SYNE2: variants seen among roughly 807,000 people sequenced by gnomAD.
SYNE2 encodes the protein nesprin-2.
Under a neutral mutation model 856.3 loss-of-function variants are expected in SYNE2, and 431 were observed. The observed-to-expected ratio is 0.50, with a 90% CI of 0.47 to 0.55. The LOEUF (loss-of-function observed/expected upper bound fraction) is 0.55, where lower values mean the gene tolerates loss of function less well. Ranked by LOEUF, SYNE2 falls within the 20% of genes least tolerant of loss-of-function variation. SYNE2 has a pLI of 0.00. For synonymous variants in SYNE2, 2,923 were observed against 2,872.3 expected, an observed-to-expected ratio of 1.02 and a Z score of -0.56; for missense variants, 8,129 against 8,023.2, an observed-to-expected ratio of 1.01 and a Z score of -0.50.
chr14:64,012,850 A>C (rs1278434962), intron 32 of SYNE2, among the ~76,000 whole-genome samples: 1 of 152,280 alleles, frequency 6.6e-6, no homozygotes, highest in African/African-American at 2.4e-5. Flanking sequence ...CATAGGTACT[A>C]TCTTCACAAA....
At chr14:64,223,460 AAGAC>A (rs1204922723) in intron 113 of SYNE2, 80 bp downstream of exon 113, 6 of 1,540,176 alleles carry the variant, frequency 3.9e-6, no homozygotes, top group Non-Finnish European at 5.4e-6. Context: ...GCAATGCTCT[AAGAC>A]AGAGGCCAGA....
rs138073871 is a variant in SYNE2 at position 63,898,482 on chromosome 14, G to A, written c.-51-10616G>A. 7.9e-5 allele frequency among the ~76,000 whole-genome samples: 12 copies of A among 152,160 alleles called. No homozygotes were observed. The East Asian group carries it at 2.3e-3, about 29-fold the overall frequency. ...TGCTGTGTTGCCATCTTGGCCCACTGCAGTCTCTGCCTCCCTGGCTCAAGC... is the reference window on the plus strand; with the variant it reads ...TGCTGTGTTGCCATCTTGGCCCACTACAGTCTCTGCCTCCCTGGCTCAAGC... On this transcript the variant is annotated intron_variant, in intron 1 of 115. Coordinates refer to ENST00000555002, the MANE Select transcript of SYNE2 (RefSeq NM_182914.3).
Position 64,100,526 on chromosome 14 carries a change from AAAAAAATATATAT to A in SYNE2, c.12382-1404_12382-1392del, listed in dbSNP as rs1184529900. 1.3e-3 allele frequency among the ~76,000 whole-genome samples: 97 copies of A among 76,296 alleles called. 2 individuals carry two copies. Among genetic ancestry groups the A allele is most frequent in the South Asian group, 0.011 (22 of 2,064 alleles). 50.1% of individuals were successfully genotyped at this position (76,296 alleles called of 152,430 possible). A position where few individuals can be genotyped will look rare whatever the true frequency, so the allele number is the denominator to read the frequency against. On this transcript the variant is annotated intron_variant, in intron 63 of 115. Transcript: ENST00000555002. ...AGCAAAACTGTCTCAAAAAAAAAAA[AAAAAAATATATAT>A]ATATATATATATATATATATATATA...
intron 51 of SYNE2, 31 bp downstream of exon 51, chr14:64,065,681 G>T: frequency 1.2e-6 from 2 of 1,609,956 alleles, no homozygotes. Context: ...AAACCATGTA[G>T]TTTCTAACAT....
At chr14:64,108,993 AGCCTCCCG>A (rs2097788516) in intron 65 of SYNE2, among the ~76,000 whole-genome samples, 1 of 151,934 alleles carries the variant, frequency 6.6e-6, no homozygotes, top group African/African-American at 2.4e-5. Context: ...CTCCCACCTT[AGCCTCCCG>A]GATGGCTAGG....
At chr14:63,930,079 T>G (rs1332383570) in intron 2 of SYNE2, among the ~76,000 whole-genome samples, 1 of 151,916 alleles carries the variant, frequency 6.6e-6, no homozygotes, top group Non-Finnish European at 1.5e-5. Flanking sequence ...GAGGCCAGGA[T>G]TTCGAGACCA....
chr14:64,037,588 C>G (rs891368823), intron 45 of SYNE2, among the ~76,000 whole-genome samples: 2 of 151,890 alleles, frequency 1.3e-5, no homozygotes, highest in Admixed American at 6.6e-5. Flanking sequence ...ACCTTTCCCC[C>G]CTTTCTATTC....
chr14:64,167,603 C>T lies in SYNE2; in HGVS notation c.16869C>T (p.Ser5623=), dbSNP rs754342965. Residue 5623 remains serine (S), a synonymous_variant, in exon 92 of 116, where the codon AGC becomes AGT. Transcript: ENST00000555002. ...CACTCAAAGTGGATGTGGCTAACAGCCTTCCTGAGCTCCTGGAGCAGCAGA... is the reference window on the plus strand; with the variant it reads ...CACTCAAAGTGGATGTGGCTAACAGTCTTCCTGAGCTCCTGGAGCAGCAGA... ...EEALKVDVAN[S]LPELLEQQKT... The T allele has an allele frequency of 1.9e-6, 3 of 1,614,198 alleles. No homozygotes were observed. Among genetic ancestry groups the T allele is most frequent in the Non-Finnish European group, 2.5e-6 (3 of 1,180,030 alleles).
intron 30 of SYNE2, among the ~76,000 whole-genome samples, chr14:64,004,541 G>C (rs2153508005): frequency 6.6e-6 from 1 of 152,090 alleles, no homozygotes; most frequent in East Asian, 1.9e-4. Flanking sequence ...TGTTGACCAG[G>C]CTGGTCTTGA....
intron 96 of SYNE2, among the ~76,000 whole-genome samples, chr14:64,178,122 TTCTTCC>T (rs2098442918): frequency 6.6e-6 from 1 of 152,220 alleles, no homozygotes; most frequent in South Asian, 2.1e-4. Flanking sequence ...TTTAATTTTT[TTCTTCC>T]TTCAGTGACT....
intron 23 of SYNE2, among the ~76,000 whole-genome samples, chr14:63,996,148 A>G (rs983447556): frequency 5.9e-5 from 9 of 152,170 alleles, no homozygotes; most frequent in Non-Finnish European, 4.4e-5. Flanking sequence ...TATTCTGCCT[A>G]CTGGTAATGA....
intron 7 of SYNE2, among the ~76,000 whole-genome samples, chr14:63,950,549 C>A (rs1480352037): frequency 6.6e-6 from 1 of 151,976 alleles, no homozygotes; most frequent in Non-Finnish European, 1.5e-5. Context: ...GAGCGAAACT[C>A]TTGTCACACA....
At chr14:63,953,063 T>A (rs2096188588) in intron 7 of SYNE2, among the ~76,000 whole-genome samples, 1 of 152,136 alleles carries the variant, frequency 6.6e-6, no homozygotes, top group African/African-American at 2.4e-5. Flanking sequence ...CAGGCATTGT[T>A]TGGGGAATGA....
chr14:64,132,445 G>A lies in SYNE2; in HGVS notation c.14514+7G>A, dbSNP rs371532130. The stretch of plus-strand genomic sequence containing the variant: ...GCTGCAGAGTTTGTTGCAGGTATTT[G>A]GGTTATGTAAACGTTGTACTGAAGC... On this transcript the variant is annotated splice_region_variant and intron_variant, in intron 77 of 115. Coordinates refer to ENST00000555002, the MANE Select transcript of SYNE2 (RefSeq NM_182914.3). 4 of 1,614,082 alleles carry A rather than the reference G, an allele frequency of 2.5e-6. No individual in the cohort carries two copies. The African/African-American group carries it at 5.3e-5, about 22-fold the overall frequency.
chr14:63,813,112 T>G lies in SYNE2; in HGVS notation c.-304-39389T>G, dbSNP rs146662083. Among the ~76,000 whole-genome samples, 196 of 152,284 alleles carry G rather than the reference T, an allele frequency of 1.3e-3. 3 individuals are homozygous for G. Among genetic ancestry groups the G allele is most frequent in the Non-Finnish European group, 1.9e-3 (126 of 68,018 alleles). ...GCTTGGCTTCCTAGCCTTCAGAGGT[T>G]TTTAAAAGTGTAAAATTTTTAGAGT... On this transcript the variant is annotated intron_variant, in intron 1 of 23. Transcript: ENST00000674003.
chr14:64,119,181 C>T (rs942975997), intron 66 of SYNE2, among the ~76,000 whole-genome samples: 1 of 152,144 alleles, frequency 6.6e-6, no homozygotes, highest in Non-Finnish European at 1.5e-5. Context: ...TGTAAGGCGA[C>T]TATAGAGTCA....
intron 6 of SYNE2, among the ~76,000 whole-genome samples, chr14:63,949,001 A>G (rs891654305): frequency 1.3e-5 from 2 of 151,626 alleles, no homozygotes; most frequent in East Asian, 3.9e-4. Context: ...CGTGAAAGGA[A>G]TGTTGGTAGT....
chr14:63,965,867 C>G (rs1462629308), intron 10 of SYNE2, among the ~76,000 whole-genome samples: 3 of 152,170 alleles, frequency 2.0e-5, no homozygotes, highest in Non-Finnish European at 4.4e-5. Flanking sequence ...AGATTTTTTT[C>G]TCGACAAAGT....
chr14:64,210,521 C>T (rs1468953866), intron 103 of SYNE2, among the ~76,000 whole-genome samples: 22 of 152,212 alleles, frequency 1.4e-4, no homozygotes, highest in Admixed American at 1.3e-3. Context: ...CCCCAGCTCT[C>T]GCACTGAGGA....
Sources: allele counts gnomAD v4.1 joint callset (sites outside exome capture counted in the v4.1 genomes callset), GRCh38; gene constraint gnomAD v4.1.1; transcripts MANE v1.5; gene names NCBI Gene and HGNC (gene_info 2026-07-23, HGNC 2026-07-21).